The following GRM7 variants were observed in gnomAD, a reference collection of about 807,000 sequenced individuals.
GRM7 encodes the protein metabotropic glutamate receptor 7.
In GRM7, 35 loss-of-function variants were observed where a neutral mutation model predicts 84.5. The observed-to-expected ratio is 0.41, with a 90% CI of 0.32 to 0.55. GRM7 has a LOEUF of 0.55. GRM7 is among the 20% of genes least tolerant of loss of function. GRM7 has a pLI of 0.19. For missense variants in GRM7, 1,003 were observed against 1,194.6 expected (o/e 0.84, Z 2.36); for synonymous variants, 487 against 455.1 (o/e 1.07, Z -0.89).
intron 9 of GRM7, among the ~76,000 whole-genome samples, chr3:7,706,222 G>A (rs114139312): frequency 0.013 from 1,969 of 152,228 alleles, 47 homozygotes; most frequent in African/African-American, 0.045. Flanking sequence ...AAATTCACTT[G>A]ATTGTATTTT....
intron 1 of GRM7, among the ~76,000 whole-genome samples, chr3:6,905,991 G>C (rs758436688): frequency 2.6e-5 from 4 of 152,154 alleles, no homozygotes; most frequent in Non-Finnish European, 4.4e-5. Flanking sequence ...GTTAGCTTTT[G>C]TTGCATTATA....
chr3:7,409,231 T>C (rs1348426423), intron 4 of GRM7, among the ~76,000 whole-genome samples: 1 of 152,244 alleles, frequency 6.6e-6, no homozygotes, highest in East Asian at 1.9e-4. Context: ...CTCTTGGTTC[T>C]GATATTTTTC....
At chr3:7,178,002 C>A (rs186912898) in intron 2 of GRM7, among the ~76,000 whole-genome samples, 24 of 152,276 alleles carry the variant, frequency 1.6e-4, no homozygotes, top group Admixed American at 1.3e-3. Flanking sequence ...GCTTATTTTT[C>A]TTCTTGCTTT....
chr3:7,231,889 G>C (rs1697207374), intron 2 of GRM7, among the ~76,000 whole-genome samples: 1 of 152,060 alleles, frequency 6.6e-6, no homozygotes, highest in Non-Finnish European at 1.5e-5. Flanking sequence ...ATTTATATTG[G>C]GCACTATGCT....
chr3:7,521,491 A>G (rs1414876242), intron 7 of GRM7, among the ~76,000 whole-genome samples: 1 of 152,188 alleles, frequency 6.6e-6, no homozygotes, highest in Non-Finnish European at 1.5e-5. Context: ...AGTCACAGAG[A>G]GAAGGCAACA....
Position 7,569,651 on chromosome 3 carries a change from G to A in GRM7, c.1516-8771G>A, listed in dbSNP as rs1052876495. Among the ~76,000 whole-genome samples the A allele has an allele frequency of 2.1e-4, 32 of 152,042 alleles. No individual in the cohort carries two copies. The South Asian group carries it at 2.3e-3, about 11-fold the overall frequency. ...GCTCCTCACCCTTTGGGTCCACACT[G>A]CCTTTATGAGCTGTAACACTCACCA... On this transcript the variant is annotated intron_variant, in intron 7 of 9. Coordinates refer to ENST00000357716, the MANE Select transcript of GRM7 (RefSeq NM_000844.4).
chr3:7,268,169 A>C (rs532942956), intron 2 of GRM7, among the ~76,000 whole-genome samples: 1 of 152,306 alleles, frequency 6.6e-6, no homozygotes, highest in South Asian at 2.1e-4. Flanking sequence ...AATTATTAAT[A>C]AAGGAATCAG....
intron 2 of GRM7, among the ~76,000 whole-genome samples, chr3:7,255,400 C>T (rs1013408684): frequency 5.9e-5 from 9 of 152,184 alleles, no homozygotes; most frequent in South Asian, 2.1e-4. Context: ...ATGGCCTCCC[C>T]GCTTCCTTTT....
At chr3:7,509,599 A>G (rs186241619) in intron 7 of GRM7, among the ~76,000 whole-genome samples, 17 of 152,368 alleles carry the variant, frequency 1.1e-4, no homozygotes, top group African/African-American at 1.4e-4. Context: ...AACTTTCACT[A>G]TAATTCCTCT....
intron 1 of GRM7, among the ~76,000 whole-genome samples, chr3:6,898,028 T>G (rs1484404256): frequency 6.6e-6 from 1 of 152,150 alleles, no homozygotes; most frequent in Non-Finnish European, 1.5e-5. Context: ...ACCTTTTCTC[T>G]CATCTCCCAT....
intron 7 of GRM7, among the ~76,000 whole-genome samples, chr3:7,501,402 A>C (rs907549321): frequency 2.0e-5 from 3 of 152,208 alleles, no homozygotes; most frequent in South Asian, 2.1e-4. Context: ...TGCCATTGTC[A>C]TGTAGGCATG....
At position 7,204,577 on chromosome 3, in the gene GRM7, G is replaced by A. The variant is rs1204762033; in HGVS notation, c.736+57909G>A. On this transcript the variant is annotated intron_variant, in intron 2 of 9. Transcript: ENST00000357716. ...CCCTGAAGCACACAGCTACCTTGTG[G>A]GGAAGGATGCATACATACATGGAAA... 2.0e-5 allele frequency among the ~76,000 whole-genome samples: 3 copies of A among 152,200 alleles called. No homozygotes were observed. The East Asian group carries it at 5.8e-4, about 29-fold the overall frequency.
intron 2 of GRM7, among the ~76,000 whole-genome samples, chr3:7,293,510 T>A (rs1421715930): frequency 6.6e-6 from 1 of 152,202 alleles, no homozygotes; most frequent in African/African-American, 2.4e-5. Flanking sequence ...GTCATGGCTC[T>A]TCAGTTGCCA....
chr3:6,953,983 A>G (rs1004221945), intron 1 of GRM7, among the ~76,000 whole-genome samples: 13 of 152,228 alleles, frequency 8.5e-5, no homozygotes, highest in African/African-American at 3.1e-4. Context: ...TTTTAAGGAA[A>G]TATTTAAGTG....
intron 1 of GRM7, among the ~76,000 whole-genome samples, chr3:7,132,992 G>A (rs962106660): frequency 5.3e-5 from 8 of 151,944 alleles, no homozygotes; most frequent in Non-Finnish European, 1.2e-4. Flanking sequence ...AGTGGTGATG[G>A]TTCTCAAAAA....
intron 1 of GRM7, among the ~76,000 whole-genome samples, chr3:6,925,859 A>T (rs1697280629): frequency 1.3e-5 from 2 of 152,180 alleles, no homozygotes; most frequent in South Asian, 4.1e-4. Flanking sequence ...GTAGCCCATC[A>T]TCACATCCCT....
intron 9 of GRM7, chr3:7,681,835 GATA>G (rs1700380122): frequency 6.6e-6 from 1 of 152,122 alleles, no homozygotes; most frequent in South Asian, 2.1e-4. Flanking sequence ...GTATAAAAGA[GATA>G]ATAACTATGT....
At chr3:7,572,375 C>G (rs550734907) in intron 7 of GRM7, among the ~76,000 whole-genome samples, 4 of 152,110 alleles carry the variant, frequency 2.6e-5, no homozygotes, top group Non-Finnish European at 4.4e-5. Context: ...TTCAAATGTG[C>G]AAACAAATTA....
chr3:7,557,784 C>T (rs925705811), intron 7 of GRM7, among the ~76,000 whole-genome samples: 3 of 152,096 alleles, frequency 2.0e-5, no homozygotes, highest in South Asian at 2.1e-4. Context: ...AATGGAGGCA[C>T]GAAAATGTAA....
Sources: allele counts gnomAD v4.1 joint callset (sites outside exome capture counted in the v4.1 genomes callset), GRCh38; gene constraint gnomAD v4.1.1; transcripts MANE v1.5; gene names NCBI Gene and HGNC (gene_info 2026-07-23, HGNC 2026-07-21).